GZMA: variants seen among roughly 807,000 people sequenced by gnomAD.
The protein encoded by GZMA is granzyme A.
In GZMA, 17 loss-of-function variants were observed where a neutral mutation model predicts 21.1. That is an observed-to-expected ratio of 0.81 (90% CI 0.55 to 1.21). GZMA has a LOEUF of 1.21. Ranked by LOEUF, GZMA falls within the 50% of genes most tolerant of loss-of-function variation. GZMA has a pLI of 0.00. For synonymous variants in GZMA, 90 were observed against 107.8 expected, an observed-to-expected ratio of 0.83 and a Z score of 1.03; for missense variants, 306 against 315.9, an observed-to-expected ratio of 0.97 and a Z score of 0.24.
intron 4 of GZMA, among the ~76,000 whole-genome samples, chr5:55,108,725 G>C (rs963114171): frequency 6.6e-6 from 1 of 152,162 alleles, no homozygotes; most frequent in African/African-American, 2.4e-5. Context: ...ACTTATGAGA[G>C]CTGAAGTCAG....
intron 2 of GZMA, among the ~76,000 whole-genome samples, chr5:55,107,398 T>C (rs1742432587): frequency 6.6e-6 from 1 of 152,178 alleles, no homozygotes; most frequent in African/African-American, 2.4e-5. Flanking sequence ...ACTTTACAAC[T>C]ATTGGCTGCT....
chr5:55,106,239 AAAT>A lies in GZMA; in HGVS notation c.215+624_215+626del, dbSNP rs1742408793. Among the ~76,000 whole-genome samples, 9 of 4,506 alleles carry A rather than the reference AAAT, an allele frequency of 2.0e-3. 4 individuals are homozygous for A. Among genetic ancestry groups the A allele is most frequent in the African/African-American group, 3.4e-3 (7 of 2,076 alleles). The allele number at this position is 4,506 out of a possible 152,430, so 3.0% of individuals were successfully genotyped here. ...ATAAAAAATAAAATAAAATAAAATA[AAAT>A]AAAATAAAATAAAATAAAATAAATA... On this transcript the variant is annotated intron_variant, in intron 2 of 4. Coordinates refer to ENST00000274306, the MANE Select transcript of GZMA (RefSeq NM_006144.4).
At chr5:55,106,232 T>A (rs1487526354) in intron 2 of GZMA, among the ~76,000 whole-genome samples, 1 of 600 alleles carries the variant, frequency 1.7e-3, no homozygotes, top group Non-Finnish European at 3.8e-3. Flanking sequence ...TAAAATAAAA[T>A]AAAATAAAAT....
chr5:55,108,918 TG>T (rs1395732402), intron 4 of GZMA, among the ~76,000 whole-genome samples: 2 of 152,306 alleles, frequency 1.3e-5, no homozygotes, highest in East Asian at 3.9e-4. Context: ...CTTCAAAGCA[TG>T]ACTCATACCA....
At chr5:55,105,057 A>G (rs143238607) in intron 1 of GZMA, among the ~76,000 whole-genome samples, 43 of 152,318 alleles carry the variant, frequency 2.8e-4, no homozygotes, top group African/African-American at 1.0e-3. Flanking sequence ...AAGGGAAGTT[A>G]TGAGGCTTCT....
chr5:55,103,904 G>T (rs988410824), intron 1 of GZMA, among the ~76,000 whole-genome samples: 1 of 152,082 alleles, frequency 6.6e-6, no homozygotes, highest in African/African-American at 2.4e-5. Context: ...TACGCAGGAG[G>T]CTGAGGCAGG....
intron 2 of GZMA, among the ~76,000 whole-genome samples, chr5:55,105,953 C>T (rs576814720): frequency 3.4e-5 from 5 of 147,006 alleles, no homozygotes; most frequent in African/African-American, 7.5e-5. Flanking sequence ...GCCTGGGCAA[C>T]GAGAGTGAGA....
At chr5:55,107,963 A>AATAAACCT in intron 3 of GZMA, 28 bp downstream of exon 3, 1 of 1,604,142 alleles carries the variant, frequency 6.2e-7, no homozygotes, top group Non-Finnish European at 8.5e-7. Flanking sequence ...TCTTCTCAAA[A>AATAAACCT]GTCATAGAAC....
rs1742323045 is a variant in GZMA at position 55,102,653 on chromosome 5, C to T, written c.-30C>T. On this transcript the variant is annotated 5_prime_UTR_variant, in exon 1 of 5. Coordinates refer to ENST00000274306, the MANE Select transcript of GZMA (RefSeq NM_006144.4). ...CAGTTAAGAACTGAAAACAGATTTT[C>T]AGGTTGATTGATGTGGGACAGCAGC... 5 of 1,417,736 alleles carry T rather than the reference C, an allele frequency of 3.5e-6. No individual in the cohort carries two copies. The South Asian group carries it at 5.7e-5, about 16-fold the overall frequency. The allele number at this position is 1,417,736 out of a possible 1,614,324, so 87.8% of individuals were successfully genotyped here. A position where few individuals can be genotyped will look rare whatever the true frequency, so the allele number is the denominator to read the frequency against.
At chr5:55,109,644 A>G (rs552562459) in intron 4 of GZMA, among the ~76,000 whole-genome samples, 3 of 152,344 alleles carry the variant, frequency 2.0e-5, no homozygotes, top group African/African-American at 4.8e-5. Flanking sequence ...GAAGAACCAC[A>G]AAACATAGTG....
rs766736193 is a variant in GZMA at position 55,110,147 on chromosome 5, A to G, written c.754A>G (p.Asn252Asp). The change falls in exon 5 of 5, where the codon AAC (asparagine) becomes GAC (aspartate). Residue 252 changes from asparagine to aspartate, a missense_variant. Transcript: ENST00000274306. ...VYILLSKKHL[N>D]WIIMTIKGAV ...TATTCTTCTCTCAAAGAAACACCTC[A>G]ACTGGATAATTATGACTATCAAGGG... 6.8e-6 allele frequency: 11 copies of G among 1,608,816 alleles called. No homozygotes were observed. In the African/African-American group the frequency reaches 1.5e-4, roughly 22 times the overall value.
At position 55,106,274 on chromosome 5, in the gene GZMA, AATAAAATAAAATAAAATAAAATAAAAT is replaced by A. The variant is rs1258366377; in HGVS notation, c.215+675_215+701del. 1.2e-3 allele frequency among the ~76,000 whole-genome samples: 18 copies of A among 15,212 alleles called. 6 individuals are homozygous for A. Among genetic ancestry groups the A allele is most frequent in the African/African-American group, 1.4e-3 (10 of 7,140 alleles). The allele number at this position is 15,212 out of a possible 152,430, so 10.0% of individuals were successfully genotyped here. Reference sequence around the variant, plus strand: ...AAATAAAATAAAATAAATAAAATAAAATAAAATAAAATAAAATAAAATAAAATATAAAATAAAATAAAATATAAAATA... The same window carrying A: ...AAATAAAATAAAATAAATAAAATAAAATAAAATAAAATAAAATATAAAATA... On this transcript the variant is annotated intron_variant, in intron 2 of 4. Coordinates refer to ENST00000274306, the MANE Select transcript of GZMA (RefSeq NM_006144.4).
chr5:55,106,011 TAAATAA>T (rs1328803194), intron 2 of GZMA, among the ~76,000 whole-genome samples: 3 of 488 alleles, frequency 6.1e-3, no homozygotes, highest in African/African-American at 0.012. Flanking sequence ...TAAAATAAAA[TAAATAA>T]AATAAAATAA....
At chr5:55,103,655 T>C (rs1357693407) in intron 1 of GZMA, among the ~76,000 whole-genome samples, 1 of 152,172 alleles carries the variant, frequency 6.6e-6, no homozygotes, top group Non-Finnish European at 1.5e-5. Context: ...CATCAGCTTT[T>C]GGAGGCAGGG....
At chr5:55,107,128 G>T (rs1742429769) in intron 2 of GZMA, among the ~76,000 whole-genome samples, 1 of 152,196 alleles carries the variant, frequency 6.6e-6, no homozygotes, top group Non-Finnish European at 1.5e-5. Flanking sequence ...TCTGGTTGGT[G>T]TAGTTTATAC....
At chr5:55,107,392 T>C (rs1239075598) in intron 2 of GZMA, among the ~76,000 whole-genome samples, 2 of 152,202 alleles carry the variant, frequency 1.3e-5, no homozygotes, top group Non-Finnish European at 2.9e-5. Context: ...TGCATTACTT[T>C]ACAACTATTG....
Position 55,108,266 on chromosome 5 carries a change from A to G in GZMA, c.499A>G (p.Arg167Gly), listed in dbSNP as rs767290041. 1 of 1,613,958 alleles carries G rather than the reference A, an allele frequency of 6.2e-7. No homozygotes were observed. Among genetic ancestry groups the G allele is most frequent in the Non-Finnish European group, 8.5e-7 (1 of 1,179,872 alleles). The change falls in exon 4 of 5, where the codon AGA becomes GGA. Residue 167 changes from arginine (R) to glycine (G), a missense_variant. Arg to Gly is a moderately radical substitution (Grantham distance 125). Transcript: ENST00000274306. ...TAGTGCATCTTGGTCCGATACTCTG[A>G]GAGAAGTCAATATCACCATCATAGA... ...HNSASWSDTL[R>G]EVNITIIDRK...
At chr5:55,103,468 C>T in intron 1 of GZMA, among the ~76,000 whole-genome samples, 1 of 152,116 alleles carries the variant, frequency 6.6e-6, no homozygotes, top group East Asian at 1.9e-4. Flanking sequence ...ACCAATATTT[C>T]TGCTTTTGTG....
chr5:55,108,035 CAATA>C, intron 3 of GZMA, 86 bp from the exon 4 acceptor site: 1 of 1,403,990 alleles, frequency 7.1e-7, no homozygotes, highest in East Asian at 2.3e-5. Context: ...TAAAAACTCA[CAATA>C]AAGAGGATCC....
Sources: gnomAD v4.1 joint callset for allele counts (sites outside exome capture counted in the v4.1 genomes callset) on GRCh38, gnomAD v4.1.1 for gene constraint, MANE v1.5 for transcripts, NCBI Gene and HGNC (gene_info 2026-07-23, HGNC 2026-07-21) for gene names.